Variants in ARHGAP6 observed in about 807,000 individuals in gnomAD.
The protein encoded by ARHGAP6 is Rho GTPase activating protein 6.
A neutral mutation model predicts 55.7 loss-of-function variants in ARHGAP6; 16 were observed. The ratio of observed to expected loss-of-function variants is 0.29; its 90% CI spans 0.19 to 0.44. The LOEUF is 0.44. Ranked by LOEUF, ARHGAP6 falls within the 20% of genes least tolerant of loss-of-function variation. The pLI is 1.00. For synonymous variants in ARHGAP6, 382 were observed against 360.9 expected, an observed-to-expected ratio of 1.06 and a Z score of -0.66; for missense variants, 698 against 808.9, an observed-to-expected ratio of 0.86 and a Z score of 1.66.
chrX:11,516,005 A>G (rs2050835274), intron 1 of ARHGAP6, among the ~76,000 whole-genome samples: 1 of 112,430 alleles, frequency 8.9e-6, no homozygotes, highest in Non-Finnish European at 1.9e-5. Flanking sequence ...TTAATTGGCT[A>G]TGAGTAGAGA....
Position 11,425,124 on chromosome X carries a change from A to G in ARHGAP6, c.589-170417T>C, listed in dbSNP as rs138355092. ...TATGCAGTCTCACCTTGGACAAACG[A>G]AAAAGCACTGAAGGAAGAGCATTAC... On this transcript the variant is annotated intron_variant, in intron 1 of 12. Coordinates refer to ENST00000337414, the MANE Select transcript of ARHGAP6 (RefSeq NM_013427.3). Among the ~76,000 whole-genome samples, 979 of 112,069 alleles carry G rather than the reference A, an allele frequency of 8.7e-3. 15 individuals are homozygous for G. The highest frequency in any genetic ancestry group is 0.03 in the African/African-American group (933 of 30,820).
At chrX:11,659,088 T>TA (rs1465838112) in intron 1 of ARHGAP6, among the ~76,000 whole-genome samples, 3 of 111,344 alleles carry the variant, frequency 2.7e-5, no homozygotes, top group South Asian at 3.8e-4. Flanking sequence ...CAAAGATGAG[T>TA]AACAGTTCTG....
intron 1 of ARHGAP6, among the ~76,000 whole-genome samples, chrX:11,516,405 C>T (rs1175930326): frequency 8.9e-6 from 1 of 111,875 alleles, no homozygotes; most frequent in Non-Finnish European, 1.9e-5. Context: ...AAACAACTCC[C>T]AATTCCTCCC....
At chrX:11,314,119 GT>G (rs1306000440) in intron 1 of ARHGAP6, among the ~76,000 whole-genome samples, 3 of 112,532 alleles carry the variant, frequency 2.7e-5, no homozygotes, top group African/African-American at 9.7e-5. Flanking sequence ...ATTACGAATT[GT>G]TTTTACATGT....
At chrX:11,538,848 G>GTTTT (rs200129874) in intron 1 of ARHGAP6, among the ~76,000 whole-genome samples, 1 of 88,199 alleles carries the variant, frequency 1.1e-5, no homozygotes. Context: ...GTGTGTGTGT[G>GTTTT]GTTTTTTTTT....
At chrX:11,247,883 G>A (rs991927356) in intron 2 of ARHGAP6, among the ~76,000 whole-genome samples, 2 of 111,430 alleles carry the variant, frequency 1.8e-5, no homozygotes, top group Non-Finnish European at 3.8e-5. Flanking sequence ...TCTGATCCAA[G>A]AGCCTATGCC....
intron 1 of ARHGAP6, among the ~76,000 whole-genome samples, chrX:11,540,990 A>G (rs1311491045): frequency 1.8e-5 from 2 of 112,617 alleles, no homozygotes; most frequent in Admixed American, 1.9e-4. Flanking sequence ...GTCCAGCTGT[A>G]CTTGTCTCCT....
chrX:11,310,658 G>A (rs956909870), intron 1 of ARHGAP6, among the ~76,000 whole-genome samples: 17 of 111,761 alleles, frequency 1.5e-4, no homozygotes, highest in Non-Finnish European at 3.8e-5. Flanking sequence ...AGGCTCTTCC[G>A]AGGTCACCAT....
chrX:11,262,767 TTGAGTCTCAC>T (rs1256324316), intron 1 of ARHGAP6, among the ~76,000 whole-genome samples: 22 of 111,561 alleles, frequency 2.0e-4, no homozygotes. Flanking sequence ...ATAATAAAAG[TTGAGTCTCAC>T]TGGCATGGTG....
At chrX:11,215,961 C>T (rs773623913) in intron 2 of ARHGAP6, among the ~76,000 whole-genome samples, 3 of 111,669 alleles carry the variant, frequency 2.7e-5, no homozygotes, top group Non-Finnish European at 5.7e-5. Context: ...GTTACAGATA[C>T]TCTTAGAGCA....
At chrX:11,216,713 C>A (rs777285894) in intron 2 of ARHGAP6, among the ~76,000 whole-genome samples, 1 of 95,946 alleles carries the variant, frequency 1.0e-5, no homozygotes, top group South Asian at 4.4e-4. Context: ...TTTGATGTAA[C>A]TTTTTTCTTT....
chrX:11,340,189 G>A lies in ARHGAP6; in HGVS notation c.589-85482C>T, dbSNP rs963406008. ...CATTAGAGCCCCATCCTAATTCAAT[G>A]GCTTCTCACTGCAATGCAATGAAGT... On this transcript the variant is annotated intron_variant, in intron 1 of 12. Coordinates refer to ENST00000337414, the MANE Select transcript of ARHGAP6 (RefSeq NM_013427.3). 3.6e-5 allele frequency among the ~76,000 whole-genome samples: 4 copies of A among 111,571 alleles called. No individual in the cohort carries two copies. The Admixed American group carries it at 3.8e-4, about 11-fold the overall frequency.
intron 1 of ARHGAP6, among the ~76,000 whole-genome samples, chrX:11,467,998 A>G (rs1339152305): frequency 2.1e-5 from 2 of 97,280 alleles, no homozygotes; most frequent in African/African-American, 7.9e-5. Flanking sequence ...GAATGAATAA[A>G]TAAATAAATA....
At chrX:11,265,145 G>A (rs1226949326) in intron 1 of ARHGAP6, among the ~76,000 whole-genome samples, 1 of 112,364 alleles carries the variant, frequency 8.9e-6, no homozygotes, top group East Asian at 2.8e-4. Flanking sequence ...CCACCACCAA[G>A]CCCTTTCATT....
chrX:11,631,192 A>C (rs1601713590), intron 1 of ARHGAP6, among the ~76,000 whole-genome samples: 1 of 111,344 alleles, frequency 9.0e-6, no homozygotes, highest in African/African-American at 3.3e-5. Flanking sequence ...ATATGTCTTT[A>C]AGTAAAATGC....
intron 1 of ARHGAP6, among the ~76,000 whole-genome samples, chrX:11,632,291 A>G (rs1421091174): frequency 8.9e-6 from 1 of 112,342 alleles, no homozygotes; most frequent in Non-Finnish European, 1.9e-5. Context: ...TTTCAGCTTA[A>G]TCAATTGTTG....
At chrX:11,594,805 A>T (rs769834468) in intron 1 of ARHGAP6, among the ~76,000 whole-genome samples, 1 of 112,056 alleles carries the variant, frequency 8.9e-6, no homozygotes, top group Non-Finnish European at 1.9e-5. Context: ...TCATACATAA[A>T]GATCTGTATT....
chrX:11,436,622 G>A (rs1368109971), intron 1 of ARHGAP6, among the ~76,000 whole-genome samples: 1 of 111,457 alleles, frequency 9.0e-6, no homozygotes, highest in Non-Finnish European at 1.9e-5. Flanking sequence ...ATGGCCAAAA[G>A]GTACAAACAA....
intron 1 of ARHGAP6, among the ~76,000 whole-genome samples, chrX:11,577,038 G>A (rs1001506986): frequency 8.9e-6 from 1 of 111,813 alleles, no homozygotes; most frequent in African/African-American, 3.3e-5. Flanking sequence ...TGACTCCCTT[G>A]CCTCCCTCCT....
Sources: gnomAD v4.1 joint callset for allele counts (sites outside exome capture counted in the v4.1 genomes callset) on GRCh38, gnomAD v4.1.1 for gene constraint, MANE v1.5 for transcripts, NCBI Gene and HGNC (gene_info 2026-07-23, HGNC 2026-07-21) for gene names.